CCDC93: variants seen among roughly 807,000 people sequenced by gnomAD.
CCDC93 encodes the protein CCC complex scaffolding subunit CCDC93, also known as coiled-coil domain-containing protein 93.
CCDC93 carries 61 observed loss-of-function variants against 108.2 expected under a neutral mutation model. The observed-to-expected ratio is 0.56, with a 90% CI of 0.46 to 0.70. CCDC93 has a LOEUF of 0.70. Among genes scored for constraint, CCDC93 ranks in the 30% least tolerant of loss-of-function variants. CCDC93 has a pLI of 0.00. For synonymous variants in CCDC93, 276 were observed against 260.4 expected (o/e 1.06, Z -0.58); for missense variants, 685 against 764.2 (o/e 0.90, Z 1.22).
chr2:117,965,810 C>A (rs1387974186), intron 11 of CCDC93, among the ~76,000 whole-genome samples: 5 of 151,686 alleles, frequency 3.3e-5, no homozygotes, highest in Non-Finnish European at 7.4e-5. Context: ...CAGGTGTTTG[C>A]TGAAAGAAGA....
chr2:117,950,141 C>T, intron 13 of CCDC93: 2 of 985,372 alleles, frequency 2.0e-6, no homozygotes, highest in Non-Finnish European at 2.4e-6. Flanking sequence ...CCAGAATAAA[C>T]ACAGGAAGTG....
intron 11 of CCDC93, 117 bp downstream of exon 11, chr2:117,973,791 T>G: frequency 1.3e-6 from 1 of 745,102 alleles, no homozygotes; most frequent in Non-Finnish European, 2.4e-6. Flanking sequence ...CTGACTAACG[T>G]GGCTGGTGAG....
chr2:117,929,740 C>G (rs1412622075), intron 23 of CCDC93, among the ~76,000 whole-genome samples: 1 of 152,196 alleles, frequency 6.6e-6, no homozygotes, highest in Non-Finnish European at 1.5e-5. Flanking sequence ...GGGACCTCAG[C>G]TGCAGCCTGT....
intron 6 of CCDC93, among the ~76,000 whole-genome samples, chr2:117,990,321 C>T (rs1680439252): frequency 6.6e-6 from 1 of 152,134 alleles, no homozygotes; most frequent in South Asian, 2.1e-4. Flanking sequence ...AGGCCTTCTA[C>T]AAAGCAGCCA....
chr2:117,962,075 GAAT>G (rs1679414252), intron 11 of CCDC93, among the ~76,000 whole-genome samples: 3 of 152,144 alleles, frequency 2.0e-5, no homozygotes, highest in Admixed American at 2.0e-4. Context: ...AAATGTCACC[GAAT>G]AATATTAGTC....
intron 17 of CCDC93, 142 bp downstream of exon 17, chr2:117,945,387 C>T: frequency 1.5e-6 from 1 of 664,196 alleles, no homozygotes; most frequent in Non-Finnish European, 2.6e-6. Context: ...CTGTATCAAA[C>T]AGGACAATGC....
intron 6 of CCDC93, among the ~76,000 whole-genome samples, chr2:117,989,183 C>T (rs903557596): frequency 2.6e-5 from 4 of 152,182 alleles, no homozygotes; most frequent in Non-Finnish European, 1.5e-5. Context: ...TGGCATTTTC[C>T]AACCACGGAT....
In CCDC93 at chr2:117,946,854, A is replaced by C. The variant is rs764469062; in HGVS notation, c.1253T>G (p.Ile418Ser). The C allele has an allele frequency of 6.2e-7, 1 of 1,613,794 alleles. No individual in the cohort carries two copies. ...REEMTRLQQE[I>S]ENLKAERAPR... Reference sequence around the variant, plus strand: ...TGCTCTCTCAGCTTTCAGGTTTTCAATTTCTTGCTGTAGTCGTGTCATCTC... The same window carrying C: ...TGCTCTCTCAGCTTTCAGGTTTTCACTTTCTTGCTGTAGTCGTGTCATCTC... Residue 418 changes from isoleucine (I) to serine (S), a missense_variant, in exon 16 of 24, where the codon ATT (isoleucine) becomes AGT (serine). Transcript: ENST00000376300.
chr2:118,001,938 C>CCCCA (rs1676708661), intron 3 of CCDC93, among the ~76,000 whole-genome samples: 1 of 152,120 alleles, frequency 6.6e-6, no homozygotes, highest in African/African-American at 2.4e-5. Context: ...GTGTGCCTGA[C>CCCCA]CCCAAAGCCA....
intron 16 of CCDC93, 62 bp from the exon 17 acceptor site, chr2:117,945,644 A>C (rs752156121): frequency 9.6e-5 from 140 of 1,459,726 alleles, no homozygotes; most frequent in Non-Finnish European, 1.3e-4. Flanking sequence ...ACAGAAGCCA[A>C]GGATCTAGAT....
At chr2:117,941,328 T>C (rs1678693576) in intron 18 of CCDC93, 31 bp from the exon 19 acceptor site, 1 of 1,579,160 alleles carries the variant, frequency 6.3e-7, no homozygotes, top group Non-Finnish European at 8.7e-7. Flanking sequence ...GAGACAGTAC[T>C]ATTTGGTAAA....
chr2:117,947,756 T>C (rs1396003980), intron 15 of CCDC93, among the ~76,000 whole-genome samples: 1 of 148,236 alleles, frequency 6.7e-6, no homozygotes, highest in Non-Finnish European at 1.5e-5. Context: ...TGCAGTGGCG[T>C]GATCTTGGCT....
chr2:117,947,915 C>T lies in CCDC93; in HGVS notation c.1224+190G>A, dbSNP rs193240215. On this transcript the variant is annotated intron_variant, in intron 15 of 23. Transcript: ENST00000376300. ...TTCACAGTGTTAGCCAGGATGGTCT[C>T]GATCTCCTGACCTCGTGATCCGCCT... 9.6e-4 allele frequency: 519 copies of T among 542,662 alleles called. 1 individual carries two copies. Among genetic ancestry groups the T allele is most frequent in the Non-Finnish European group, 1.4e-3 (435 of 301,602 alleles). The allele number at this position is 542,662 out of a possible 1,614,324, so 33.6% of individuals were successfully genotyped here.
chr2:117,945,203 C>CGATG (rs1366338219), intron 17 of CCDC93, among the ~76,000 whole-genome samples: 1 of 152,234 alleles, frequency 6.6e-6, no homozygotes, highest in Non-Finnish European at 1.5e-5. Flanking sequence ...ACCACCCCAT[C>CGATG]CCTCAGAGCC....
At position 117,931,102 on chromosome 2, in the gene CCDC93, C is replaced by T. The variant is rs1275806400; in HGVS notation, c.1777G>A (p.Asp593Asn). 7 of 1,613,820 alleles carry T rather than the reference C, an allele frequency of 4.3e-6. No individual in the cohort carries two copies. The highest frequency in any genetic ancestry group is 2.2e-5 in the East Asian group (1 of 44,888). Reference protein sequence around the residue: ...ENKMRRDQLNDQYLELLEKQR... With the variant: ...ENKMRRDQLNNQYLELLEKQR... ...TTTTCTAACAGCTCCAAGTACTGGT[C>T]GTTCAACTGGTCTCTTCTCATTTTG... Residue 593 changes from aspartate to asparagine, a missense_variant, in exon 23 of 24, where the codon GAC becomes AAC. Coordinates refer to ENST00000376300, the MANE Select transcript of CCDC93 (RefSeq NM_019044.5).
At chr2:117,972,952 C>G (rs1679811162) in intron 11 of CCDC93, among the ~76,000 whole-genome samples, 1 of 152,116 alleles carries the variant, frequency 6.6e-6, no homozygotes. Context: ...AGGAATCTCA[C>G]CCTGAGACAT....
At chr2:117,956,871 C>A (rs981088732) in intron 12 of CCDC93, among the ~76,000 whole-genome samples, 5 of 147,938 alleles carry the variant, frequency 3.4e-5, no homozygotes, top group Middle Eastern at 3.5e-3. Context: ...CTAACAAGCT[C>A]AAAATGCCAA....
intron 17 of CCDC93, chr2:117,944,812 G>C (rs1027112658): frequency 2.1e-6 from 1 of 471,120 alleles, no homozygotes; most frequent in Admixed American, 2.3e-5. Context: ...GAGATTACGA[G>C]GGTACAAAGG....
At chr2:118,007,395 G>A (rs1676904052) in intron 2 of CCDC93, among the ~76,000 whole-genome samples, 3 of 152,204 alleles carry the variant, frequency 2.0e-5, no homozygotes, top group Non-Finnish European at 4.4e-5. Context: ...AATAAGGCTG[G>A]GCGCGGTGGC....
Sources: gnomAD v4.1 joint callset for allele counts (sites outside exome capture counted in the v4.1 genomes callset) on GRCh38, gnomAD v4.1.1 for gene constraint, MANE v1.5 for transcripts, NCBI Gene and HGNC (gene_info 2026-07-23, HGNC 2026-07-21) for gene names.